Variants in MGAT5 observed in about 807,000 individuals in gnomAD.
MGAT5 encodes the protein alpha-1,6-mannosylglycoprotein 6-beta-N-acetylglucosaminyltransferase, also known as alpha-1,6-mannosylglycoprotein 6-beta-N-acetylglucosaminyltransferase A.
Under a neutral mutation model 94.3 loss-of-function variants are expected in MGAT5, and 30 were observed. The observed-to-expected ratio is 0.32, with a 90% CI of 0.24 to 0.43. MGAT5 has a LOEUF of 0.43. MGAT5 is among the 20% of genes least tolerant of loss of function. The pLI is 1.00. For synonymous variants in MGAT5, 310 were observed against 322.9 expected, an observed-to-expected ratio of 0.96 and a Z score of 0.43; for missense variants, 691 against 905.5, an observed-to-expected ratio of 0.76 and a Z score of 3.04.
At chr2:134,177,542 T>G (rs1332077517) in intron 1 of MGAT5, among the ~76,000 whole-genome samples, 1 of 152,182 alleles carries the variant, frequency 6.6e-6, no homozygotes, top group Non-Finnish European at 1.5e-5. Flanking sequence ...TTTCAGTGAG[T>G]AGCTGGCATT....
chr2:134,199,489 T>G (rs1413150209), intron 1 of MGAT5, among the ~76,000 whole-genome samples: 2 of 151,400 alleles, frequency 1.3e-5, no homozygotes, highest in Admixed American at 1.3e-4. Flanking sequence ...TGTATTTTGC[T>G]TGCCTGCTCC....
chr2:134,243,801 T>C (rs1682092751), intron 1 of MGAT5, among the ~76,000 whole-genome samples: 1 of 152,124 alleles, frequency 6.6e-6, no homozygotes, highest in Non-Finnish European at 1.5e-5. Flanking sequence ...GCTGGAACAC[T>C]CCTGGGGTAG....
intron 1 of MGAT5, among the ~76,000 whole-genome samples, chr2:134,244,458 G>A (rs1356989193): frequency 6.6e-6 from 1 of 152,134 alleles, no homozygotes; most frequent in Non-Finnish European, 1.5e-5. Context: ...AGCTAGCCTA[G>A]GAATGAGATT....
At chr2:134,333,325 A>G (rs1240909212) in intron 4 of MGAT5, among the ~76,000 whole-genome samples, 3 of 150,912 alleles carry the variant, frequency 2.0e-5, no homozygotes, top group Admixed American at 6.6e-5. Context: ...TCAGTAAACT[A>G]TTGCAAGGAC....
chr2:134,395,496 T>A (rs1208549228), intron 10 of MGAT5, among the ~76,000 whole-genome samples: 1 of 152,256 alleles, frequency 6.6e-6, no homozygotes, highest in Non-Finnish European at 1.5e-5. Context: ...CTCTCATGTC[T>A]AGCTTGTCCC....
intron 14 of MGAT5, among the ~76,000 whole-genome samples, chr2:134,437,140 C>T (rs1252538401): frequency 1.3e-5 from 2 of 152,184 alleles, no homozygotes; most frequent in Admixed American, 6.5e-5. Flanking sequence ...AGGCGCGCGC[C>T]ACCATGCCTA....
chr2:134,249,858 C>T (rs907893943), upstream of MGAT5, among the ~76,000 whole-genome samples: 1 of 152,246 alleles, frequency 6.6e-6, no homozygotes, highest in Non-Finnish European at 1.5e-5. Flanking sequence ...CCCACACTGG[C>T]TGCGCCATTT....
intron 1 of MGAT5, among the ~76,000 whole-genome samples, chr2:134,255,947 A>C (rs1049528391): frequency 7.9e-5 from 12 of 152,066 alleles, no homozygotes; most frequent in African/African-American, 1.2e-4. Context: ...AGTATGTAAA[A>C]TTTTATACAC....
At chr2:134,196,340 A>C (rs1353403965) in intron 1 of MGAT5, among the ~76,000 whole-genome samples, 1 of 152,052 alleles carries the variant, frequency 6.6e-6, no homozygotes. Flanking sequence ...TCTGGTACTC[A>C]AGTACCAGTA....
intron 1 of MGAT5, among the ~76,000 whole-genome samples, chr2:134,188,367 C>T (rs1689150511): frequency 1.3e-5 from 2 of 152,300 alleles, no homozygotes; most frequent in South Asian, 4.1e-4. Flanking sequence ...GAATCCTGGC[C>T]CCTCTGCCAT....
At chr2:134,398,823 A>AT (rs1380404629) in intron 10 of MGAT5, among the ~76,000 whole-genome samples, 1 of 152,214 alleles carries the variant, frequency 6.6e-6, no homozygotes, top group Non-Finnish European at 1.5e-5. Context: ...AGCAAGTCAC[A>AT]GATGTCGAAT....
At chr2:134,196,509 A>T (rs1296891515) in intron 1 of MGAT5, among the ~76,000 whole-genome samples, 1 of 152,222 alleles carries the variant, frequency 6.6e-6, no homozygotes, top group Non-Finnish European at 1.5e-5. Context: ...CAAAGTGATC[A>T]TTTAAAAATA....
At chr2:134,359,177 G>C (rs1326094979) in intron 9 of MGAT5, among the ~76,000 whole-genome samples, 2 of 152,182 alleles carry the variant, frequency 1.3e-5, no homozygotes, top group African/African-American at 4.8e-5. Flanking sequence ...AAGAAACTGA[G>C]GTGACATTGC....
At position 134,254,308 on chromosome 2, in the gene MGAT5, T is replaced by C. The variant is rs1682798699; in HGVS notation, c.-96T>C. ...CAACCAGCTGACACAGGAGCCAGAG[T>C]GAGACCAGCAGACTCTCACACTCAA... On this transcript the variant is annotated 5_prime_UTR_variant, in exon 1 of 16. The change abolishes the stop of an existing upstream ORF in the 5' untranslated region. Transcript: ENST00000281923. 6.8e-7 allele frequency: 1 copy of C among 1,481,146 alleles called. No homozygotes were observed. The highest frequency in any genetic ancestry group is 9.1e-7 in the Non-Finnish European group (1 of 1,094,968). 91.8% of individuals were successfully genotyped at this position (1,481,146 alleles called of 1,614,324 possible).
At chr2:134,279,781 G>T (rs75176726) in intron 2 of MGAT5, among the ~76,000 whole-genome samples, 1 of 152,156 alleles carries the variant, frequency 6.6e-6, no homozygotes, top group South Asian at 2.1e-4. Flanking sequence ...ATACAGTTGT[G>T]ATATCAGCTT....
chr2:134,317,876 T>C (rs1336414884), intron 3 of MGAT5, among the ~76,000 whole-genome samples: 1 of 152,164 alleles, frequency 6.6e-6, no homozygotes, highest in African/African-American at 2.4e-5. Flanking sequence ...TGAAGCTGAC[T>C]TCCCCTCTCT....
intron 10 of MGAT5, among the ~76,000 whole-genome samples, chr2:134,387,491 G>A (rs1448744237): frequency 6.6e-6 from 1 of 151,352 alleles, no homozygotes; most frequent in Non-Finnish European, 1.5e-5. Context: ...TGTCTGTAAA[G>A]CAGAAACAGG....
At chr2:134,443,428 G>T (rs1157496883) in intron 15 of MGAT5, among the ~76,000 whole-genome samples, 4 of 152,216 alleles carry the variant, frequency 2.6e-5, no homozygotes, top group Admixed American at 2.0e-4. Flanking sequence ...CTGGCCTCAG[G>T]TGATCTGCCC....
chr2:134,320,917 G>A (rs1455827196), intron 4 of MGAT5, among the ~76,000 whole-genome samples: 2 of 152,126 alleles, frequency 1.3e-5, no homozygotes, highest in Non-Finnish European at 2.9e-5. Flanking sequence ...CGGGCTCCAT[G>A]ATTTTTTGGG....
Sources: gnomAD v4.1 joint callset for allele counts (sites outside exome capture counted in the v4.1 genomes callset) on GRCh38, gnomAD v4.1.1 for gene constraint, MANE v1.5 for transcripts, NCBI Gene and HGNC (gene_info 2026-07-23, HGNC 2026-07-21) for gene names.